Variants in COLEC10 observed in about 807,000 individuals in gnomAD.
COLEC10 encodes collectin-10.
COLEC10 carries 22 observed loss-of-function variants against 28.4 expected under a neutral mutation model. That is an observed-to-expected ratio of 0.78 (90% CI 0.55 to 1.11). The LOEUF is 1.11. Among genes scored for constraint, COLEC10 ranks in the 50% least tolerant of loss-of-function variants. The pLI is 0.00. For missense variants in COLEC10, 361 were observed against 344.1 expected (o/e 1.05, Z -0.39); for synonymous variants, 125 against 116.1 (o/e 1.08, Z -0.49).
chr8:119,004,925 A>G (rs1813765080), intron 1 of COLEC10, among the ~76,000 whole-genome samples: 1 of 152,004 alleles, frequency 6.6e-6, no homozygotes, highest in Admixed American at 6.6e-5. Context: ...AAATGATCCT[A>G]TTTATTGGTC....
intron 1 of COLEC10, among the ~76,000 whole-genome samples, chr8:119,002,661 G>A (rs1408979903): frequency 1.3e-5 from 2 of 152,044 alleles, no homozygotes; most frequent in African/African-American, 4.8e-5. Flanking sequence ...ATGACTAAAT[G>A]CCTTCTAGCC....
At chr8:119,017,758 C>T (rs1282283229) in intron 2 of COLEC10, among the ~76,000 whole-genome samples, 1 of 152,182 alleles carries the variant, frequency 6.6e-6, no homozygotes, top group Non-Finnish European at 1.5e-5. Flanking sequence ...TCACAAACCT[C>T]ATGTATCTGG....
At chr8:119,021,704 G>C (rs957792724) in intron 2 of COLEC10, among the ~76,000 whole-genome samples, 2 of 152,064 alleles carry the variant, frequency 1.3e-5, no homozygotes, top group African/African-American at 4.8e-5. Flanking sequence ...TCTTTTTCTA[G>C]ATCCATCAAC....
At chr8:119,019,478 C>T (rs60266099) in intron 2 of COLEC10, among the ~76,000 whole-genome samples, 3 of 152,104 alleles carry the variant, frequency 2.0e-5, no homozygotes, top group Non-Finnish European at 2.9e-5. Flanking sequence ...CATGGTCTTC[C>T]GTCTTCCTGG....
the COLEC10 span, among the ~76,000 whole-genome samples, chr8:118,987,384 C>CA: frequency 1.3e-5 from 2 of 152,016 alleles, no homozygotes; most frequent in African/African-American, 4.8e-5. Context: ...GCCAACAGGG[C>CA]AAAACCCTGT....
At chr8:118,995,009 T>C (rs982921773), upstream of COLEC10, among the ~76,000 whole-genome samples, 3 of 152,154 alleles carry the variant, frequency 2.0e-5, no homozygotes, top group Non-Finnish European at 4.4e-5. Flanking sequence ...AGGAGTTAAA[T>C]AATGCTGCTT....
the COLEC10 span, among the ~76,000 whole-genome samples, chr8:118,969,518 A>G: frequency 2.0e-5 from 3 of 152,038 alleles, no homozygotes; most frequent in East Asian, 5.8e-4. Context: ...GATCTATACT[A>G]CGCCTTTTTC....
intron 3 of COLEC10, 43 bp from the exon 4 acceptor site, chr8:119,102,300 CTTTTA>C: frequency 1.0e-6 from 1 of 985,190 alleles, no homozygotes; most frequent in African/African-American, 2.2e-5. Flanking sequence ...TTCCTTTCTT[CTTTTA>C]TTTTAATTTT....
chr8:119,084,792 G>A (rs557453419), intron 1 of COLEC10, among the ~76,000 whole-genome samples: 1 of 152,248 alleles, frequency 6.6e-6, no homozygotes, highest in African/African-American at 2.4e-5. Flanking sequence ...ATGAAGCAAT[G>A]ACAATGTGCT....
At chr8:118,952,655 G>A in the COLEC10 span, among the ~76,000 whole-genome samples, 332 of 152,290 alleles carry the variant, frequency 2.2e-3, no homozygotes, top group African/African-American at 7.7e-3. Flanking sequence ...CCTGGGGCAG[G>A]GATAACCTTG....
intron 2 of COLEC10, among the ~76,000 whole-genome samples, chr8:119,050,963 C>A (rs538444992): frequency 1.3e-5 from 2 of 152,218 alleles, no homozygotes; most frequent in African/African-American, 4.8e-5. Context: ...TATTAATACT[C>A]CAGCTCAGGA....
At chr8:119,023,359 G>C (rs1814131495) in intron 2 of COLEC10, among the ~76,000 whole-genome samples, 1 of 152,058 alleles carries the variant, frequency 6.6e-6, no homozygotes, top group Admixed American at 6.6e-5. Context: ...TAAATGTATG[G>C]TATCCCTTAT....
At chr8:119,073,352 A>G (rs2130237974) in intron 1 of COLEC10, among the ~76,000 whole-genome samples, 1 of 152,152 alleles carries the variant, frequency 6.6e-6, no homozygotes, top group South Asian at 2.1e-4. Flanking sequence ...CATGAGATCA[A>G]TGTATAAACA....
intron 2 of COLEC10, among the ~76,000 whole-genome samples, chr8:119,041,929 G>A (rs6984572): frequency 0.68 from 102,857 of 151,932 alleles, 36,773 homozygotes; most frequent in African/African-American, 0.92. Flanking sequence ...GATTGTCACA[G>A]ATTCAGACTG....
At chr8:119,061,597 A>T (rs1814857433) in intron 2 of COLEC10, among the ~76,000 whole-genome samples, 1 of 152,100 alleles carries the variant, frequency 6.6e-6, no homozygotes, top group South Asian at 2.1e-4. Context: ...AATTATTTTC[A>T]TACTGGAATC....
At chr8:119,015,384 T>C (rs75742740) in intron 2 of COLEC10, among the ~76,000 whole-genome samples, 6,849 of 150,996 alleles carry the variant, frequency 0.045, 434 homozygotes, top group East Asian at 0.16. Context: ...GCCACATCAC[T>C]TAGGCTCTGA....
intron 1 of COLEC10, among the ~76,000 whole-genome samples, chr8:118,997,413 T>A (rs1031749377): frequency 6.6e-6 from 1 of 152,184 alleles, no homozygotes; most frequent in Non-Finnish European, 1.5e-5. Flanking sequence ...TTCCCCTGTG[T>A]TTTTTCATAG....
At chr8:118,965,806 T>G in the COLEC10 span, among the ~76,000 whole-genome samples, 1 of 152,128 alleles carries the variant, frequency 6.6e-6, no homozygotes. Flanking sequence ...TGATATTTTT[T>G]GATTGTGGAA....
intron 1 of COLEC10, among the ~76,000 whole-genome samples, chr8:119,075,824 C>A (rs1266687634): frequency 1.3e-5 from 2 of 150,944 alleles, no homozygotes; most frequent in African/African-American, 4.9e-5. Context: ...ATCAACCCAA[C>A]TGATGAGAGA....
Sources: gnomAD v4.1 joint callset for allele counts (sites outside exome capture counted in the v4.1 genomes callset) on GRCh38, gnomAD v4.1.1 for gene constraint, MANE v1.5 for transcripts, NCBI Gene and HGNC (gene_info 2026-07-23, HGNC 2026-07-21) for gene names.